Variants in ST6GALNAC3 observed in about 807,000 individuals in gnomAD.
ST6GALNAC3 encodes the protein ST6 N-acetylgalactosaminide alpha-2,6-sialyltransferase 3, also known as alpha-N-acetylgalactosaminide alpha-2,6-sialyltransferase 3.
ST6GALNAC3 carries 25 observed loss-of-function variants against 32.7 expected under a neutral mutation model. The ratio of observed to expected loss-of-function variants is 0.76; its 90% confidence interval spans 0.56 to 1.07. The LOEUF (loss-of-function observed/expected upper bound fraction) is 1.07. Ranked by LOEUF, ST6GALNAC3 falls within the 50% of genes least tolerant of loss-of-function variation. The pLI, the probability that ST6GALNAC3 is intolerant of heterozygous loss-of-function variation, is 0.00. For synonymous variants in ST6GALNAC3, 129 were observed against 133.1 expected (o/e 0.97, Z 0.21); for missense variants, 355 against 382.4 (o/e 0.93, Z 0.60).
intron 2 of ST6GALNAC3, among the ~76,000 whole-genome samples, chr1:76,370,197 C>T (rs1053576023): frequency 4.6e-5 from 7 of 152,210 alleles, no homozygotes; most frequent in South Asian, 4.1e-4. Flanking sequence ...CTCCCTATTC[C>T]GTGTTGCAAA....
intron 1 of ST6GALNAC3, among the ~76,000 whole-genome samples, chr1:76,221,405 C>T (rs984924016): frequency 2.6e-5 from 4 of 152,206 alleles, no homozygotes; most frequent in Admixed American, 6.5e-5. Context: ...ATGAAGCTGT[C>T]GTATTCTATC....
chr1:76,174,443 T>A (rs1045561129), intron 1 of ST6GALNAC3, among the ~76,000 whole-genome samples: 14 of 151,734 alleles, frequency 9.2e-5, no homozygotes, highest in African/African-American at 3.4e-4. Flanking sequence ...TTTTTTTTTT[T>A]AGAAGAAATA....
intron 3 of ST6GALNAC3, among the ~76,000 whole-genome samples, chr1:76,459,671 G>T (rs560321024): frequency 1.3e-5 from 2 of 152,100 alleles, no homozygotes; most frequent in Non-Finnish European, 2.9e-5. Context: ...AGTGAAAATT[G>T]CCAGGGGAGT....
intron 3 of ST6GALNAC3, among the ~76,000 whole-genome samples, chr1:76,569,932 A>ACCATCTATTT (rs1665765820): frequency 6.6e-6 from 1 of 152,108 alleles, no homozygotes; most frequent in Non-Finnish European, 1.5e-5. Context: ...ATCAGTTTCT[A>ACCATCTATTT]CCATCTATTT....
intron 3 of ST6GALNAC3, among the ~76,000 whole-genome samples, chr1:76,514,710 G>A (rs943475029): frequency 6.6e-6 from 1 of 152,138 alleles, no homozygotes; most frequent in Non-Finnish European, 1.5e-5. Context: ...GAACTTCTCA[G>A]CTTGCAGAAC....
At chr1:76,627,165 AG>A (rs1457352636) in intron 3 of ST6GALNAC3, among the ~76,000 whole-genome samples, 7 of 151,924 alleles carry the variant, frequency 4.6e-5, no homozygotes, top group Admixed American at 4.6e-4. Context: ...TTTCACCTGA[AG>A]GGATAAGATT....
intron 1 of ST6GALNAC3, among the ~76,000 whole-genome samples, chr1:76,114,817 G>A (rs1417842914): frequency 6.6e-6 from 1 of 151,858 alleles, no homozygotes; most frequent in Non-Finnish European, 1.5e-5. Flanking sequence ...TACTTGGGAG[G>A]CTGAGGCGGG....
intron 2 of ST6GALNAC3, 35 bp downstream of exon 2, chr1:76,314,034 G>C: frequency 6.3e-7 from 1 of 1,581,230 alleles, no homozygotes; most frequent in Non-Finnish European, 8.6e-7. Context: ...CAGTTGGAGA[G>C]TATCCATGGT....
At chr1:76,192,113 G>A (rs1340191776) in intron 1 of ST6GALNAC3, among the ~76,000 whole-genome samples, 2 of 152,150 alleles carry the variant, frequency 1.3e-5, no homozygotes, top group African/African-American at 2.4e-5. Flanking sequence ...CAACATTGAT[G>A]TATATTAAAT....
chr1:76,569,861 A>G (rs1317477309), intron 3 of ST6GALNAC3, among the ~76,000 whole-genome samples: 1 of 152,102 alleles, frequency 6.6e-6, no homozygotes, highest in African/African-American at 2.4e-5. Flanking sequence ...TTAGCATCAG[A>G]CATTTTTTTA....
At chr1:76,610,028 G>C (rs1221411733) in intron 3 of ST6GALNAC3, among the ~76,000 whole-genome samples, 1 of 151,954 alleles carries the variant, frequency 6.6e-6, no homozygotes, top group Non-Finnish European at 1.5e-5. Flanking sequence ...TTTTGTCTCT[G>C]CCTTCTTTTG....
intron 1 of ST6GALNAC3, among the ~76,000 whole-genome samples, chr1:76,190,642 G>C (rs1372005002): frequency 6.6e-6 from 1 of 152,058 alleles, no homozygotes; most frequent in Non-Finnish European, 1.5e-5. Context: ...TAAAATAATG[G>C]TTCCATCATT....
chr1:76,156,835 C>T (rs2100356218), intron 1 of ST6GALNAC3, among the ~76,000 whole-genome samples: 1 of 152,280 alleles, frequency 6.6e-6, no homozygotes, highest in African/African-American at 2.4e-5. Flanking sequence ...GGGTTCACGC[C>T]ATTCTCCTGC....
At chr1:76,335,507 G>C (rs151014710) in intron 2 of ST6GALNAC3, among the ~76,000 whole-genome samples, 1 of 151,878 alleles carries the variant, frequency 6.6e-6, no homozygotes, top group Non-Finnish European at 1.5e-5. Context: ...TGAACCTCAC[G>C]TGCACAGCTT....
intron 1 of ST6GALNAC3, among the ~76,000 whole-genome samples, chr1:76,103,997 C>T (rs1647354374): frequency 6.6e-6 from 1 of 152,018 alleles, no homozygotes; most frequent in Admixed American, 6.6e-5. Flanking sequence ...TTTTTTGGGG[C>T]CACCTTTTAG....
At chr1:76,248,662 A>C (rs1180110722) in intron 1 of ST6GALNAC3, among the ~76,000 whole-genome samples, 1 of 152,210 alleles carries the variant, frequency 6.6e-6, no homozygotes, top group Non-Finnish European at 1.5e-5. Flanking sequence ...CTTCTCTCTC[A>C]GAACCAAATA....
intron 2 of ST6GALNAC3, among the ~76,000 whole-genome samples, chr1:76,339,095 C>T (rs955241459): frequency 6.6e-6 from 1 of 152,162 alleles, no homozygotes; most frequent in African/African-American, 2.4e-5. Flanking sequence ...ACAGTCACAG[C>T]TGTGCTATTT....
intron 3 of ST6GALNAC3, among the ~76,000 whole-genome samples, chr1:76,584,113 T>C (rs1163410070): frequency 6.6e-6 from 1 of 152,228 alleles, no homozygotes; most frequent in African/African-American, 2.4e-5. Context: ...TAGTTGCTTT[T>C]ATTATCCCTA....
At chr1:76,482,049 C>T (rs766836777) in intron 3 of ST6GALNAC3, among the ~76,000 whole-genome samples, 3 of 152,052 alleles carry the variant, frequency 2.0e-5, no homozygotes, top group Admixed American at 6.6e-5. Flanking sequence ...CTGAAAAAGG[C>T]ACACAGAATT....
Sources: gnomAD v4.1 joint callset for allele counts (sites outside exome capture counted in the v4.1 genomes callset) on GRCh38, gnomAD v4.1.1 for gene constraint, MANE v1.5 for transcripts, NCBI Gene and HGNC (gene_info 2026-07-23, HGNC 2026-07-21) for gene names.